Variants in GAB2 observed in about 807,000 individuals in gnomAD.
GAB2 encodes the protein GRB2 associated binding protein 2.
Under a neutral mutation model 65.5 loss-of-function variants are expected in GAB2, and 26 were observed. That is an observed-to-expected ratio of 0.40 (90% confidence interval 0.29 to 0.55). The LOEUF is 0.55. Ranked by LOEUF, GAB2 falls within the 20% of genes least tolerant of loss-of-function variation. The pLI is 0.53. For missense variants in GAB2, 884 were observed against 875.8 expected, an observed-to-expected ratio of 1.01 and a Z score of -0.12; for synonymous variants, 321 against 329.6, an observed-to-expected ratio of 0.97 and a Z score of 0.28.
At chr11:78,341,876 A>T (rs1470374377) in intron 1 of GAB2, 11 of 986,078 alleles carry the variant, frequency 1.1e-5, no homozygotes, top group Non-Finnish European at 1.3e-5. Context: ...ACTTCTCAAA[A>T]TTTCTGATCC....
At chr11:78,352,325 C>T (rs1009688075) in intron 1 of GAB2, among the ~76,000 whole-genome samples, 1 of 152,198 alleles carries the variant, frequency 6.6e-6, no homozygotes, top group Non-Finnish European at 1.5e-5. Flanking sequence ...GGATCAGGCT[C>T]TTAAATCTCA....
intron 1 of GAB2, among the ~76,000 whole-genome samples, chr11:78,370,546 A>G (rs937856109): frequency 3.3e-5 from 5 of 152,134 alleles, no homozygotes; most frequent in African/African-American, 1.2e-4. Flanking sequence ...GCAATCTCAG[A>G]GCAGAGAGTG....
intron 3 of GAB2, among the ~76,000 whole-genome samples, chr11:78,236,274 TA>T (rs922395998): frequency 1.2e-4 from 18 of 152,356 alleles, no homozygotes; most frequent in Admixed American, 9.8e-4. Context: ...ATTTTTTGCA[TA>T]AAAACCTTTT....
At chr11:78,348,546 T>C (rs1291622543) in intron 1 of GAB2, among the ~76,000 whole-genome samples, 3 of 152,164 alleles carry the variant, frequency 2.0e-5, no homozygotes, top group Non-Finnish European at 4.4e-5. Flanking sequence ...CCATGACCTA[T>C]AAACCCATTA....
intron 1 of GAB2, among the ~76,000 whole-genome samples, chr11:78,377,548 T>C (rs1461883818): frequency 6.6e-6 from 1 of 152,146 alleles, no homozygotes; most frequent in Non-Finnish European, 1.5e-5. Flanking sequence ...GGGACCGGCA[T>C]GTTGACCAGG....
At chr11:78,240,787 G>T (rs115544610) in intron 3 of GAB2, among the ~76,000 whole-genome samples, 8 of 152,040 alleles carry the variant, frequency 5.3e-5, no homozygotes, top group African/African-American at 1.9e-4. Context: ...GCCTACCAGG[G>T]GTAGAATCAC....
rs1269023629 is a variant in GAB2 at position 78,216,208 on chromosome 11, C to G, written c.*3064G>C. On this transcript the variant is annotated 3_prime_UTR_variant, in exon 10 of 10. Transcript: ENST00000361507. The stretch of plus-strand genomic sequence containing the variant: ...GAGACACCATCTCCCTATTTCTCAT[C>G]GTTCTCACTTGACTTAACCTTGCAG... 6.6e-6 allele frequency: 1 copy of G among 152,430 alleles called. No individual in the cohort carries two copies. Among genetic ancestry groups the G allele is most frequent in the Non-Finnish European group, 1.5e-5 (1 of 68,064 alleles). 9.4% of individuals were successfully genotyped at this position (152,430 alleles called of 1,614,324 possible).
intron 1 of GAB2, among the ~76,000 whole-genome samples, chr11:78,291,834 G>A (rs934849153): frequency 3.3e-5 from 5 of 151,540 alleles, no homozygotes; most frequent in African/African-American, 1.2e-4. Context: ...CCAAAGTGCT[G>A]GAATTACAGA....
rs34474918 is a variant in GAB2, at chr11:78,401,505, C to CGTGTGTGTGT, written c.75+16131_75+16140dup. ...TTCCCTTTTAAGGCTGAACAGTATT[C>CGTGTGTGTGT]GTGTGTGTGTGTGTGTGTGTGTGTG... On this transcript the variant is annotated intron_variant, in intron 1 of 9. Transcript: ENST00000361507. 8.0e-3 allele frequency among the ~76,000 whole-genome samples: 994 copies of CGTGTGTGTGT among 124,990 alleles called. 20 individuals are homozygous for CGTGTGTGTGT. The highest frequency in any genetic ancestry group is 0.013 in the South Asian group (41 of 3,194). 82.0% of individuals were successfully genotyped at this position (124,990 alleles called of 152,430 possible).
chr11:78,274,391 G>A (rs1371532119), intron 2 of GAB2, among the ~76,000 whole-genome samples: 1 of 152,172 alleles, frequency 6.6e-6, no homozygotes, highest in African/African-American at 2.4e-5. Flanking sequence ...CAGGGACAGG[G>A]ACACTGGATT....
intron 4 of GAB2, 126 bp from the exon 5 acceptor site, chr11:78,225,328 T>G: frequency 1.6e-6 from 1 of 624,366 alleles, no homozygotes; most frequent in Non-Finnish European, 2.8e-6. Context: ...CAACCCCAAA[T>G]GATAAGGAAT....
chr11:78,402,893 G>A (rs551103489), intron 1 of GAB2, among the ~76,000 whole-genome samples: 21 of 152,134 alleles, frequency 1.4e-4, no homozygotes, highest in Non-Finnish European at 1.0e-4. Flanking sequence ...TAAAGTGACC[G>A]TATTAGGAGG....
rs1282886509 is a variant in GAB2 at position 78,216,264 on chromosome 11, C to G, written c.*3008G>C. ...GAGCTGGAAGTGGGTGAAGAAGGCTCCTTGGAGAGCCCCAGGCAGGGGGCC... is the reference window on the plus strand; with the variant it reads ...GAGCTGGAAGTGGGTGAAGAAGGCTGCTTGGAGAGCCCCAGGCAGGGGGCC... On this transcript the variant is annotated 3_prime_UTR_variant, in exon 10 of 10. Transcript: ENST00000361507. 6.6e-6 allele frequency: 1 copy of G among 152,288 alleles called. No homozygotes were observed. The highest frequency in any genetic ancestry group is 2.4e-5 in the African/African-American group (1 of 41,456). The allele number at this position is 152,288 out of a possible 1,614,324, so 9.4% of individuals were successfully genotyped here. A position where few individuals can be genotyped will look rare whatever the true frequency, so the allele number is the denominator to read the frequency against.
chr11:78,219,951 G>C (rs892964356), intron 9 of GAB2, among the ~76,000 whole-genome samples: 1 of 152,136 alleles, frequency 6.6e-6, no homozygotes, highest in Non-Finnish European at 1.5e-5. Flanking sequence ...ATCGACGGCA[G>C]GGCTCTGGAC....
At chr11:78,289,631 T>C (rs1348037523) in intron 1 of GAB2, among the ~76,000 whole-genome samples, 4 of 152,008 alleles carry the variant, frequency 2.6e-5, no homozygotes, top group African/African-American at 7.2e-5. Flanking sequence ...GATTTTTTTG[T>C]AAGCACCATA....
chr11:78,412,451 T>C (rs1319014436), intron 1 of GAB2, among the ~76,000 whole-genome samples: 1 of 152,152 alleles, frequency 6.6e-6, no homozygotes, highest in Non-Finnish European at 1.5e-5. Flanking sequence ...ATAACACACA[T>C]GAAATATCAG....
intron 4 of GAB2, among the ~76,000 whole-genome samples, chr11:78,225,501 A>G (rs966259963): frequency 6.6e-6 from 1 of 152,182 alleles, no homozygotes; most frequent in African/African-American, 2.4e-5. Flanking sequence ...CACCCCAGCC[A>G]TCACTTCTCT....
At chr11:78,363,344 TACAC>T (rs1441146105) in intron 1 of GAB2, among the ~76,000 whole-genome samples, 1 of 152,220 alleles carries the variant, frequency 6.6e-6, no homozygotes, top group Non-Finnish European at 1.5e-5. Flanking sequence ...GTTGGTCTCT[TACAC>T]ACATTTGTAT....
chr11:78,267,057 T>C (rs1865891290), intron 2 of GAB2, among the ~76,000 whole-genome samples: 1 of 152,128 alleles, frequency 6.6e-6, no homozygotes. Flanking sequence ...CTCCAGCCAC[T>C]GGTCTGAGGT....
Sources: gnomAD v4.1 joint callset for allele counts (sites outside exome capture counted in the v4.1 genomes callset) on GRCh38, gnomAD v4.1.1 for gene constraint, MANE v1.5 for transcripts, NCBI Gene and HGNC (gene_info 2026-07-23, HGNC 2026-07-21) for gene names.